PRKCZ: variants seen among roughly 807,000 people sequenced by gnomAD.
PRKCZ encodes protein kinase C zeta type.
In PRKCZ, 33 loss-of-function variants were observed where a neutral mutation model predicts 79.5. That is an observed-to-expected ratio of 0.41 (90% CI 0.31 to 0.55). The LOEUF is 0.55. Among genes scored for constraint, PRKCZ ranks in the 20% least tolerant of loss-of-function variants. The pLI is 0.19. For synonymous variants in PRKCZ, 342 were observed against 320.9 expected (o/e 1.07, Z -0.70); for missense variants, 578 against 813.5 (o/e 0.71, Z 3.52).
rs1331494421 is a variant in PRKCZ at position 2,082,805 on chromosome 1, C to T, written c.334+23214C>T. ...CCTGTCCTCCTTCACAGGGGCACTC[C>T]GGATGTAGTAGCAGGGAGAGGGTGG... On this transcript the variant is annotated intron_variant, in intron 4 of 17. Transcript: ENST00000378567. The surrounding 1 kb of genome is among the most constrained non-coding windows in gnomAD (Gnocchi z 4.4). Among the ~76,000 whole-genome samples the T allele has an allele frequency of 4.0e-5, 6 of 151,746 alleles. No homozygotes were observed. Among genetic ancestry groups the T allele is most frequent in the Non-Finnish European group, 8.8e-5 (6 of 67,950 alleles).
At chr1:2,126,014 C>G (rs961553791) in intron 4 of PRKCZ, among the ~76,000 whole-genome samples, 8 of 152,140 alleles carry the variant, frequency 5.3e-5, no homozygotes, top group African/African-American at 1.9e-4. Flanking sequence ...GATGTTGCCC[C>G]TGTCCTGAAG....
intron 4 of PRKCZ, among the ~76,000 whole-genome samples, chr1:2,079,210 G>A (rs927442096): frequency 6.6e-6 from 1 of 152,240 alleles, no homozygotes; most frequent in African/African-American, 2.4e-5. Context: ...TTTCTCTGGG[G>A]TTATTCGTCC....
rs1419626166 is a variant in PRKCZ, at chr1:2,178,808, G to C, written c.1575+3495G>C. 2.6e-5 allele frequency among the ~76,000 whole-genome samples: 4 copies of C among 152,206 alleles called. No homozygotes were observed. The highest frequency in any genetic ancestry group is 9.6e-5 in the African/African-American group (4 of 41,452). On this transcript the variant is annotated intron_variant, in intron 16 of 17. Coordinates refer to ENST00000378567, the MANE Select transcript of PRKCZ (RefSeq NM_002744.6). This position sits in a 1 kb window ranked among gnomAD's most constrained non-coding sequence, Gnocchi z 4.3. ...GCCTTGGTCCCCACCTGTGGACTCAGGGTCTCTTTCACGGACTGCGGGGAA... is the reference window on the plus strand; with the variant it reads ...GCCTTGGTCCCCACCTGTGGACTCACGGTCTCTTTCACGGACTGCGGGGAA...
At position 2,168,652 on chromosome 1, in the gene PRKCZ, G is replaced by A. The variant is rs886578729; in HGVS notation, c.975-866G>A. On this transcript the variant is annotated intron_variant, in intron 10 of 17. Coordinates refer to ENST00000378567, the MANE Select transcript of PRKCZ (RefSeq NM_002744.6). The surrounding 1 kb of genome is among the most constrained non-coding windows in gnomAD (Gnocchi z 4.7). Reference sequence around the variant, plus strand: ...AGGTGCCTTGAGGCGTAACAGTGGCGGTGGTGTGGGAGCTTGCGTGGGATC... The same window carrying A: ...AGGTGCCTTGAGGCGTAACAGTGGCAGTGGTGTGGGAGCTTGCGTGGGATC... 6.6e-6 allele frequency among the ~76,000 whole-genome samples: 1 copy of A among 152,118 alleles called. No homozygotes were observed. The highest frequency in any genetic ancestry group is 2.1e-4 in the South Asian group (1 of 4,826).
At chr1:2,183,262 G>T (rs2100570081) in intron 16 of PRKCZ, among the ~76,000 whole-genome samples, 1 of 152,190 alleles carries the variant, frequency 6.6e-6, no homozygotes, top group East Asian at 1.9e-4. Context: ...TGGGCATGGT[G>T]GTGCATGCCT....
rs576341679 is a variant in PRKCZ at position 2,178,218 on chromosome 1, C to G, written c.1575+2905C>G. 1.4e-4 allele frequency among the ~76,000 whole-genome samples: 22 copies of G among 152,364 alleles called. 1 individual carries two copies. Among genetic ancestry groups the G allele is most frequent in the Admixed American group, 1.4e-3 (22 of 15,314 alleles). ...ACCCACTCCAGCCTCTCCCCACACC[C>G]TGCAGTGGCTGCTCCGCCAGGCTGT... On this transcript the variant is annotated intron_variant, in intron 16 of 17. Transcript: ENST00000378567. This position sits in a 1 kb window ranked among gnomAD's most constrained non-coding sequence, Gnocchi z 4.3.
At chr1:2,096,854 A>G (rs1432130186) in intron 4 of PRKCZ, among the ~76,000 whole-genome samples, 1 of 152,182 alleles carries the variant, frequency 6.6e-6, no homozygotes, top group Admixed American at 6.5e-5. Flanking sequence ...CTGGGTTGCC[A>G]TGAGGCACCC....
chr1:2,097,015 C>T (rs1666643271), intron 4 of PRKCZ, among the ~76,000 whole-genome samples: 1 of 152,254 alleles, frequency 6.6e-6, no homozygotes, highest in Non-Finnish European at 1.5e-5. Flanking sequence ...GAGCAAGGTC[C>T]ACGCAGCCCT....
At chr1:2,142,052 A>C (rs3128299) in intron 5 of PRKCZ, 1,271 of 31,220 alleles carry the variant, frequency 0.041, 64 homozygotes, top group Middle Eastern at 0.05. Context: ...CCTCCTTTCA[A>C]TCCAGGGTCC....
At position 2,104,507 on chromosome 1, in the gene PRKCZ, A is replaced by G. The variant is rs183223062; in HGVS notation, c.335-30755A>G. Among the ~76,000 whole-genome samples, 457 of 152,222 alleles carry G rather than the reference A, an allele frequency of 3.0e-3. 3 individuals are homozygous for G. The highest frequency in any genetic ancestry group is 0.01 in the African/African-American group (432 of 41,546). ...ATGTGTTCTAGAGGAGTGAGGGGAC[A>G]GACAGGGGAGCCCCAGAGGCATCCA... On this transcript the variant is annotated intron_variant, in intron 4 of 17. Transcript: ENST00000378567.
intron 4 of PRKCZ, among the ~76,000 whole-genome samples, chr1:2,086,537 C>T (rs539541945): frequency 3.0e-4 from 46 of 152,312 alleles, no homozygotes; most frequent in Non-Finnish European, 4.1e-4. Flanking sequence ...TGCTCGCATC[C>T]GGGCAGCAGG....
At chr1:2,139,205 T>G (rs190953763) in intron 5 of PRKCZ, among the ~76,000 whole-genome samples, 5 of 151,090 alleles carry the variant, frequency 3.3e-5, no homozygotes, top group Admixed American at 3.3e-4. Context: ...GAAGTAAGAC[T>G]GTAATTGTTT....
chr1:2,131,898 AC>A (rs529626099), intron 4 of PRKCZ, among the ~76,000 whole-genome samples: 258 of 151,954 alleles, frequency 1.7e-3, no homozygotes, highest in African/African-American at 6.1e-3. Flanking sequence ...TGCAAGCTCC[AC>A]CTCCCGGGTT....
chr1:2,099,021 A>G (rs1428774154), intron 4 of PRKCZ, among the ~76,000 whole-genome samples: 1 of 151,898 alleles, frequency 6.6e-6, no homozygotes, highest in Non-Finnish European at 1.5e-5. Context: ...GATCGCATGC[A>G]CCGTTGTCTG....
At chr1:2,073,787 C>T in intron 4 of PRKCZ, 1 of 1,020,374 alleles carries the variant, frequency 9.8e-7, no homozygotes. Flanking sequence ...GCTCCTCGCG[C>T]TCGAGCCTCC....
chr1:2,088,717 T>C (rs1458579765), intron 4 of PRKCZ, among the ~76,000 whole-genome samples: 2 of 152,226 alleles, frequency 1.3e-5, no homozygotes. Flanking sequence ...ACAGCTCAGC[T>C]GCCTGGAGGC....
intron 4 of PRKCZ, among the ~76,000 whole-genome samples, chr1:2,080,330 G>GCGTGGACGTGGCGGTGCA: frequency 6.6e-6 from 1 of 152,240 alleles, no homozygotes; most frequent in African/African-American, 2.4e-5. Flanking sequence ...GGGGCAGTGC[G>GCGTGGACGTGGCGGTGCA]CGTGGACGTG....
Position 2,173,844 on chromosome 1 carries a change from C to G in PRKCZ, c.1286-53C>G, listed in dbSNP as rs932856799. ...AAAACCAACGCCAGCCAGGTTCGTC[C>G]TGCTGCCGGCCCATGTGGCCCCACT... is the stretch of plus-strand genomic sequence containing the variant. On this transcript the variant is annotated intron_variant, in intron 13 of 17. Coordinates refer to ENST00000378567, the MANE Select transcript of PRKCZ (RefSeq NM_002744.6). This position sits in a 1 kb window ranked among gnomAD's most constrained non-coding sequence, Gnocchi z 5.7. 6.6e-7 allele frequency: 1 copy of G among 1,523,896 alleles called. No individual in the cohort carries two copies. Among genetic ancestry groups the G allele is most frequent in the African/African-American group, 1.4e-5 (1 of 71,424 alleles). 94.4% of individuals were successfully genotyped at this position (1,523,896 alleles called of 1,614,324 possible). A position where few individuals can be genotyped will look rare whatever the true frequency, so the allele number is the denominator to read the frequency against.
intron 4 of PRKCZ, among the ~76,000 whole-genome samples, chr1:2,113,310 G>A (rs1670117566): frequency 6.6e-6 from 1 of 152,238 alleles, no homozygotes; most frequent in African/African-American, 2.4e-5. Context: ...TGTGGTGACT[G>A]TGACGTTCTC....
Sources: gnomAD v4.1 joint callset for allele counts (sites outside exome capture counted in the v4.1 genomes callset) on GRCh38, gnomAD v4.1.1 for gene constraint, Gnocchi (gnomAD v3.1) non-coding constraint, MANE v1.5 for transcripts, NCBI Gene and HGNC (gene_info 2026-07-23, HGNC 2026-07-21) for gene names.